The following LYPD6B variants were observed in gnomAD, a reference collection of about 807,000 sequenced individuals.
LYPD6B encodes ly6/PLAUR domain-containing protein 6B.
LYPD6B carries 17 observed loss-of-function variants against 22.8 expected under a neutral mutation model. That is an observed-to-expected ratio of 0.75 (90% confidence interval 0.51 to 1.12). The LOEUF (loss-of-function observed/expected upper bound fraction) is 1.12, where lower values mean the gene tolerates loss of function less well. Ranked by LOEUF, LYPD6B falls within the 50% of genes most tolerant of loss-of-function variation. LYPD6B has a pLI of 0.00. For missense variants in LYPD6B, 221 were observed against 258.3 expected, an observed-to-expected ratio of 0.86 and a Z score of 0.99; for synonymous variants, 106 against 91.6, an observed-to-expected ratio of 1.16 and a Z score of -0.90.
At chr2:149,114,449 G>A (rs1686903483) in intron 1 of LYPD6B, among the ~76,000 whole-genome samples, 1 of 152,200 alleles carries the variant, frequency 6.6e-6, no homozygotes, top group African/African-American at 2.4e-5. Context: ...ATATCTGAGA[G>A]AAGGAAATTG....
intron 3 of LYPD6B, among the ~76,000 whole-genome samples, chr2:149,180,505 C>A (rs995233395): frequency 3.9e-5 from 6 of 152,086 alleles, no homozygotes; most frequent in Admixed American, 6.5e-5. Context: ...TCTTAGCCCC[C>A]CAGAGGAGAC....
intron 2 of LYPD6B, among the ~76,000 whole-genome samples, chr2:149,146,322 C>A (rs402377): frequency 0.79 from 120,529 of 151,874 alleles, 47,918 homozygotes; most frequent in South Asian, 0.81. Flanking sequence ...CTGAGATAGA[C>A]AGGAAGACTA....
At chr2:149,203,648 T>G (rs138509556) in intron 3 of LYPD6B, among the ~76,000 whole-genome samples, 2 of 152,244 alleles carry the variant, frequency 1.3e-5, no homozygotes, top group Non-Finnish European at 2.9e-5. Context: ...GGTATGATTA[T>G]GTACATGAGC....
chr2:149,084,547 T>A lies in LYPD6B; in HGVS notation c.-67+45746T>A, dbSNP rs142288924. Among the ~76,000 whole-genome samples, 94 of 152,274 alleles carry A rather than the reference T, an allele frequency of 6.2e-4. 1 individual carries two copies. The highest frequency in any genetic ancestry group is 2.2e-3 in the African/African-American group (92 of 41,560). On this transcript the variant is annotated intron_variant, in intron 1 of 6. Coordinates refer to ENST00000409642, the MANE Select transcript of LYPD6B (RefSeq NM_177964.5). ...TCCCAGGCCTGAAATCAGTTGTTAC[T>A]CCAAGAATCCCTGGGTATATTTTGT...
chr2:149,179,240 T>G (rs371736642), intron 3 of LYPD6B, among the ~76,000 whole-genome samples: 6 of 152,342 alleles, frequency 3.9e-5, no homozygotes, highest in African/African-American at 1.4e-4. Context: ...TGATGAGTCT[T>G]CAACGTGAAT....
At chr2:149,071,097 C>T (rs1471383753) in intron 1 of LYPD6B, among the ~76,000 whole-genome samples, 1 of 152,120 alleles carries the variant, frequency 6.6e-6, no homozygotes, top group Non-Finnish European at 1.5e-5. Context: ...TTGTAAATAG[C>T]GATAAAGCAG....
intron 1 of LYPD6B, among the ~76,000 whole-genome samples, chr2:149,120,361 G>GTGTATATATATA (rs796413041): frequency 7.7e-5 from 3 of 38,756 alleles, no homozygotes; most frequent in African/African-American, 3.5e-4. Flanking sequence ...GTGTGTGTGT[G>GTGTATATATATA]TATATATATA....
intron 3 of LYPD6B, among the ~76,000 whole-genome samples, chr2:149,179,243 A>C (rs566753252): frequency 6.6e-6 from 1 of 152,236 alleles, no homozygotes; most frequent in African/African-American, 2.4e-5. Context: ...TGAGTCTTCA[A>C]CGTGAATTAG....
intron 1 of LYPD6B, among the ~76,000 whole-genome samples, chr2:149,114,543 G>GA (rs1240391544): frequency 6.6e-6 from 1 of 152,142 alleles, no homozygotes; most frequent in Non-Finnish European, 1.5e-5. Context: ...AAAACTGTTG[G>GA]AAATGTTGAA....
chr2:149,172,850 AG>A (rs1690939267), intron 3 of LYPD6B, among the ~76,000 whole-genome samples: 1 of 151,984 alleles, frequency 6.6e-6, no homozygotes, highest in Non-Finnish European at 1.5e-5. Context: ...CCTGGTTCTC[AG>A]GCCTTCAGAC....
intron 1 of LYPD6B, among the ~76,000 whole-genome samples, chr2:149,120,383 A>ATATTTTTTTT (rs1327065975): frequency 6.2e-5 from 3 of 48,614 alleles, no homozygotes; most frequent in African/African-American, 2.1e-4. Context: ...ATATATATAT[A>ATATTTTTTTT]TTTTTTTTTT....
At chr2:149,107,476 G>T (rs1686535730) in intron 1 of LYPD6B, among the ~76,000 whole-genome samples, 2 of 152,198 alleles carry the variant, frequency 1.3e-5, no homozygotes, top group African/African-American at 4.8e-5. Context: ...TGAACCTGAG[G>T]ATAAGGGGGG....
At chr2:149,064,174 T>A (rs1684221096) in intron 1 of LYPD6B, among the ~76,000 whole-genome samples, 1 of 152,186 alleles carries the variant, frequency 6.6e-6, no homozygotes, top group African/African-American at 2.4e-5. Flanking sequence ...TAAAACATAG[T>A]TTTAGAAGTA....
At chr2:149,178,653 G>A (rs960294545) in intron 3 of LYPD6B, among the ~76,000 whole-genome samples, 22 of 152,182 alleles carry the variant, frequency 1.4e-4, no homozygotes, top group Non-Finnish European at 8.8e-5. Flanking sequence ...TGCCTTTAAT[G>A]CTTTCTTCCT....
chr2:149,142,439 A>G (rs1029691351), intron 2 of LYPD6B, among the ~76,000 whole-genome samples: 6 of 152,142 alleles, frequency 3.9e-5, no homozygotes, highest in African/African-American at 1.4e-4. Context: ...TAATTGGTTG[A>G]TTGAATTGCA....
intron 1 of LYPD6B, among the ~76,000 whole-genome samples, chr2:149,080,383 A>G (rs1466016884): frequency 3.3e-5 from 5 of 152,220 alleles, no homozygotes; most frequent in Non-Finnish European, 7.3e-5. Flanking sequence ...CCTGTTTCCA[A>G]ATTCTGATGA....
intron 1 of LYPD6B, among the ~76,000 whole-genome samples, chr2:149,082,172 ATCTG>A (rs1685166712): frequency 6.6e-6 from 1 of 152,080 alleles, no homozygotes; most frequent in East Asian, 1.9e-4. Flanking sequence ...CCCCCTTAAT[ATCTG>A]TCTGCTGTAA....
At chr2:149,118,010 G>A (rs1687090204) in intron 1 of LYPD6B, among the ~76,000 whole-genome samples, 1 of 152,166 alleles carries the variant, frequency 6.6e-6, no homozygotes, top group South Asian at 2.1e-4. Context: ...CCTTCTCCAT[G>A]TGGATCTCTT....
intron 1 of LYPD6B, among the ~76,000 whole-genome samples, chr2:149,130,082 C>T (rs137979306): frequency 1.5e-3 from 235 of 152,308 alleles, no homozygotes; most frequent in African/African-American, 5.5e-3. Flanking sequence ...GACCAGAACG[C>T]TGAACGGCAG....
Sources: gnomAD v4.1 joint callset for allele counts (sites outside exome capture counted in the v4.1 genomes callset) on GRCh38, gnomAD v4.1.1 for gene constraint, MANE v1.5 for transcripts, NCBI Gene and HGNC (gene_info 2026-07-23, HGNC 2026-07-21) for gene names.